Variants in TMEM131L observed in about 807,000 individuals in gnomAD.
The protein encoded by TMEM131L is transmembrane 131 like.
Under a neutral mutation model 192.2 loss-of-function variants are expected in TMEM131L, and 54 were observed. The ratio of observed to expected loss-of-function variants is 0.28; its 90% confidence interval spans 0.23 to 0.35. The LOEUF (loss-of-function observed/expected upper bound fraction) is 0.35, where lower values mean the gene tolerates loss of function less well. Among genes scored for constraint, TMEM131L ranks in the 10% least tolerant of loss-of-function variants. The pLI, the probability that TMEM131L is intolerant of heterozygous loss-of-function variation, is 1.00. For synonymous variants in TMEM131L, 701 were observed against 704.9 expected, an observed-to-expected ratio of 0.99 and a Z score of 0.09; for missense variants, 1,888 against 1,972.9, an observed-to-expected ratio of 0.96 and a Z score of 0.82.
At chr4:153,495,803 T>C (rs1408912674) in intron 3 of TMEM131L, among the ~76,000 whole-genome samples, 12 of 152,190 alleles carry the variant, frequency 7.9e-5, no homozygotes, top group Admixed American at 7.2e-4. Flanking sequence ...TTAAAATCTT[T>C]GTAGCTATCT....
intron 3 of TMEM131L, among the ~76,000 whole-genome samples, chr4:153,538,132 T>A (rs1736483788): frequency 1.3e-5 from 2 of 152,224 alleles, no homozygotes; most frequent in South Asian, 4.1e-4. Flanking sequence ...TCTTACCCCT[T>A]GCCTTCCCTG....
At chr4:153,516,989 G>T (rs1357446478) in intron 3 of TMEM131L, among the ~76,000 whole-genome samples, 1 of 152,066 alleles carries the variant, frequency 6.6e-6, no homozygotes, top group Non-Finnish European at 1.5e-5. Context: ...ACCATGCCTG[G>T]CTAATTTTTG....
At chr4:153,590,123 C>A (rs1381025680) in intron 16 of TMEM131L, among the ~76,000 whole-genome samples, 2 of 152,130 alleles carry the variant, frequency 1.3e-5, no homozygotes. Context: ...TTTCTTTTAA[C>A]CCAGAATCCA....
chr4:153,519,761 G>C (rs952824817), intron 3 of TMEM131L, among the ~76,000 whole-genome samples: 2 of 152,198 alleles, frequency 1.3e-5, no homozygotes, highest in African/African-American at 4.8e-5. Flanking sequence ...AATTCACTCT[G>C]CATTTCTAGG....
rs375228294 is a variant in TMEM131L at position 153,634,258 on chromosome 4, C to T, written c.4395C>T (p.Asn1465=). 2.4e-5 allele frequency: 38 copies of T among 1,613,594 alleles called. 1 individual carries two copies. The highest frequency in any genetic ancestry group is 1.8e-4 in the East Asian group (8 of 44,884). The change falls in exon 33 of 35, where the codon AAC becomes AAT. Residue 1465 remains asparagine (N), a synonymous_variant. Transcript: ENST00000409959. ...GCGCATACTGTCCATTGGAATTGAACGATTACAATGCCTTTCCAGAAGGTA... is the reference window on the plus strand; with the variant it reads ...GCGCATACTGTCCATTGGAATTGAATGATTACAATGCCTTTCCAGAAGGTA... ...FSSAYCPLEL[N]DYNAFPEENM...
chr4:153,588,340 T>G (rs1387325359), intron 15 of TMEM131L, among the ~76,000 whole-genome samples: 1 of 149,558 alleles, frequency 6.7e-6, no homozygotes, highest in African/African-American at 2.5e-5. Context: ...AAGTATAGTT[T>G]TTTTTTTTTT....
At chr4:153,504,885 T>C (rs1431638241) in intron 3 of TMEM131L, among the ~76,000 whole-genome samples, 2 of 152,106 alleles carry the variant, frequency 1.3e-5, no homozygotes, top group Non-Finnish European at 1.5e-5. Context: ...TCTCAGCTTG[T>C]TTTTTCAGAG....
chr4:153,473,158 C>T (rs1262946076), intron 2 of TMEM131L, among the ~76,000 whole-genome samples: 4 of 152,154 alleles, frequency 2.6e-5, no homozygotes, highest in Admixed American at 2.6e-4. Flanking sequence ...GCTTGGTGTG[C>T]ATCTGACCAG....
intron 3 of TMEM131L, among the ~76,000 whole-genome samples, chr4:153,504,649 A>G (rs567955384): frequency 1.2e-4 from 18 of 152,308 alleles, no homozygotes; most frequent in African/African-American, 4.1e-4. Flanking sequence ...CTGAGTTGTA[A>G]TATAAATTTT....
intron 25 of TMEM131L, among the ~76,000 whole-genome samples, chr4:153,610,964 C>A (rs575780332): frequency 2.6e-5 from 4 of 152,286 alleles, no homozygotes; most frequent in Non-Finnish European, 4.4e-5. Flanking sequence ...TGAAATACAT[C>A]GTTTCAAATT....
rs369926734 is a variant in TMEM131L, at chr4:153,579,407, C to A, written c.661-1419C>A. ...ATATTATTCTATTTAAGAATACTAGCAGATATGAACAATGATTTCTTTAAA... is the reference window on the plus strand; with the variant it reads ...ATATTATTCTATTTAAGAATACTAGAAGATATGAACAATGATTTCTTTAAA... On this transcript the variant is annotated intron_variant, in intron 7 of 34. Coordinates refer to ENST00000409959, the MANE Select transcript of TMEM131L (RefSeq NM_001131007.2). Among the ~76,000 whole-genome samples the A allele has an allele frequency of 4.6e-5, 7 of 152,244 alleles. No homozygotes were observed. The East Asian group carries it at 9.6e-4, about 21-fold the overall frequency.
At chr4:153,569,564 C>A (rs1438251828) in intron 7 of TMEM131L, among the ~76,000 whole-genome samples, 1 of 152,118 alleles carries the variant, frequency 6.6e-6, no homozygotes, top group East Asian at 1.9e-4. Context: ...AAAATATCAG[C>A]CATATAAAAT....
chr4:153,572,629 C>T (rs1203316787), intron 7 of TMEM131L, among the ~76,000 whole-genome samples: 1 of 152,172 alleles, frequency 6.6e-6, no homozygotes, highest in Non-Finnish European at 1.5e-5. Context: ...CCGCACCCGG[C>T]CCAGTTTGGT....
chr4:153,635,601 C>T, intron 34 of TMEM131L, 30 bp downstream of exon 34: 2 of 1,612,170 alleles, frequency 1.2e-6, no homozygotes, highest in South Asian at 1.1e-5. Flanking sequence ...TGCCGTGAAC[C>T]CCTGGGCAGC....
chr4:153,632,890 T>C (rs751738904), intron 32 of TMEM131L, 52 bp downstream of exon 32: 4 of 1,599,300 alleles, frequency 2.5e-6, no homozygotes, highest in Admixed American at 1.7e-5. Context: ...GGGCTTGCAG[T>C]TGGAATTTGA....
At chr4:153,588,004 G>GC (rs1730813857) in intron 15 of TMEM131L, among the ~76,000 whole-genome samples, 193 bp downstream of exon 15, 1 of 147,206 alleles carries the variant, frequency 6.8e-6, no homozygotes, top group African/African-American at 2.5e-5. Context: ...TGTAAATAAT[G>GC]CCCCTTTATT....
intron 3 of TMEM131L, among the ~76,000 whole-genome samples, chr4:153,547,525 G>A (rs1354700160): frequency 6.6e-6 from 1 of 152,154 alleles, no homozygotes; most frequent in African/African-American, 2.4e-5. Context: ...TGAAGCCTTT[G>A]CTTCATATCT....
At chr4:153,632,990 G>A (rs1734319060) in intron 32 of TMEM131L, 152 bp downstream of exon 32, 3 of 741,202 alleles carry the variant, frequency 4.0e-6, no homozygotes, top group Non-Finnish European at 6.4e-6. Flanking sequence ...GCCTTTTAGA[G>A]TTGCACTGGG....
intron 3 of TMEM131L, among the ~76,000 whole-genome samples, chr4:153,533,147 C>A (rs546701171): frequency 6.6e-6 from 1 of 152,016 alleles, no homozygotes. Context: ...CTACCACACC[C>A]GGCTAATTTT....
Sources: gnomAD v4.1 joint callset for allele counts (sites outside exome capture counted in the v4.1 genomes callset) on GRCh38, gnomAD v4.1.1 for gene constraint, MANE v1.5 for transcripts, NCBI Gene and HGNC (gene_info 2026-07-23, HGNC 2026-07-21) for gene names.